Variants in C12orf42 observed in about 807,000 individuals in gnomAD.
The protein encoded by C12orf42 is uncharacterized protein C12orf42.
Under a neutral mutation model 21.6 loss-of-function variants are expected in C12orf42, and 25 were observed. The ratio of observed to expected loss-of-function variants is 1.16; its 90% CI spans 0.84 to 1.62. C12orf42 has a LOEUF of 1.62. C12orf42 is among the 40% of genes most tolerant of loss of function. C12orf42 has a pLI of 0.00. For synonymous variants in C12orf42, 174 were observed against 175.0 expected, an observed-to-expected ratio of 0.99 and a Z score of 0.05; for missense variants, 483 against 459.3, an observed-to-expected ratio of 1.05 and a Z score of -0.47.
intron 5 of C12orf42, among the ~76,000 whole-genome samples, chr12:103,275,075 A>G (rs773621438): frequency 3.3e-5 from 5 of 152,182 alleles, no homozygotes; most frequent in Non-Finnish European, 7.3e-5. Context: ...CATTGCCTAA[A>G]TTCAGTTGAA....
intron 3 of C12orf42, among the ~76,000 whole-genome samples, chr12:103,377,335 C>A (rs184159640): frequency 6.6e-6 from 1 of 152,044 alleles, no homozygotes; most frequent in African/African-American, 2.4e-5. Flanking sequence ...AGGCTGACTG[C>A]AGCTCTGGAT....
chr12:103,135,028 G>A, the C12orf42 span, among the ~76,000 whole-genome samples: 1 of 152,168 alleles, frequency 6.6e-6, no homozygotes, highest in South Asian at 2.1e-4. Flanking sequence ...GGTGCTATAT[G>A]CAGCAAAATT....
chr12:103,235,980 G>GT (rs746055910), downstream of C12orf42, among the ~76,000 whole-genome samples: 3 of 152,140 alleles, frequency 2.0e-5, no homozygotes, highest in Admixed American at 6.5e-5. Context: ...TGGAAATAAG[G>GT]TAAGTCATGC....
chr12:103,420,568 T>C (rs2049796134), intron 2 of C12orf42, among the ~76,000 whole-genome samples: 3 of 152,116 alleles, frequency 2.0e-5, no homozygotes, highest in African/African-American at 7.2e-5. Context: ...CTTTTTTTTT[T>C]ACCCAGGCTG....
At chr12:103,080,738 T>A in the C12orf42 span, among the ~76,000 whole-genome samples, 2 of 152,236 alleles carry the variant, frequency 1.3e-5, no homozygotes, top group African/African-American at 4.8e-5. Flanking sequence ...TATCTCCATG[T>A]TTCTAATGAC....
At chr12:103,277,604 ATTTTCT>A (rs575550676) in intron 4 of C12orf42, among the ~76,000 whole-genome samples, 200 of 151,124 alleles carry the variant, frequency 1.3e-3, no homozygotes, top group Middle Eastern at 3.4e-3. Context: ...GATGGGCACA[ATTTTCT>A]TTTTCTTTTT....
At chr12:103,508,984 T>A in the C12orf42 span, among the ~76,000 whole-genome samples, 4 of 152,204 alleles carry the variant, frequency 2.6e-5, no homozygotes, top group African/African-American at 9.7e-5. Flanking sequence ...CAAGAACTCT[T>A]TGAGGTAGCT....
chr12:103,389,222 G>T (rs899609616), intron 3 of C12orf42, among the ~76,000 whole-genome samples: 1 of 152,138 alleles, frequency 6.6e-6, no homozygotes, highest in South Asian at 2.1e-4. Flanking sequence ...GGGGGTGGGG[G>T]ATTTAAGCAT....
intron 3 of C12orf42, chr12:103,396,495 AG>A (rs2047547213): frequency 6.6e-6 from 1 of 152,228 alleles, no homozygotes; most frequent in South Asian, 2.1e-4. Flanking sequence ...ATTATAATCT[AG>A]TTTCTAACAT....
At chr12:103,471,723 A>T (rs1430380981) in intron 2 of C12orf42, among the ~76,000 whole-genome samples, 2 of 152,276 alleles carry the variant, frequency 1.3e-5, no homozygotes, top group Non-Finnish European at 2.9e-5. Context: ...AATGCATCTT[A>T]CATCATGGCC....
intron 2 of C12orf42, among the ~76,000 whole-genome samples, chr12:103,464,415 G>GTT (rs201619152): frequency 0.21 from 15,415 of 73,948 alleles, 853 homozygotes; most frequent in African/African-American, 0.25. Context: ...TTTTTAATGG[G>GTT]GTTTTTTTTT....
At chr12:103,527,110 C>T in the C12orf42 span, among the ~76,000 whole-genome samples, 1 of 151,846 alleles carries the variant, frequency 6.6e-6, no homozygotes, top group Non-Finnish European at 1.5e-5. Context: ...ATTTGGTATA[C>T]ATTGTAATTT....
At chr12:103,431,004 C>T (rs143767123) in intron 2 of C12orf42, among the ~76,000 whole-genome samples, 48 of 152,160 alleles carry the variant, frequency 3.2e-4, no homozygotes, top group Admixed American at 8.5e-4. Flanking sequence ...AGGAGAAATA[C>T]CTAATGTAGA....
At chr12:103,494,024 A>G (rs1955352417) in intron 1 of C12orf42, among the ~76,000 whole-genome samples, 1 of 152,204 alleles carries the variant, frequency 6.6e-6, no homozygotes, top group South Asian at 2.1e-4. Flanking sequence ...TATTTGAAAA[A>G]GTCATTATGA....
chr12:103,182,495 C>A, the C12orf42 span, among the ~76,000 whole-genome samples: 2 of 152,202 alleles, frequency 1.3e-5, no homozygotes, highest in African/African-American at 4.8e-5. Flanking sequence ...TCAGTTCTAC[C>A]CATGTGATAG....
intron 1 of C12orf42, among the ~76,000 whole-genome samples, chr12:103,487,083 TG>T (rs1358891115): frequency 6.6e-6 from 1 of 152,240 alleles, no homozygotes; most frequent in African/African-American, 2.4e-5. Flanking sequence ...GCTTTTCTTG[TG>T]GGCATTTAGT....
At chr12:103,534,668 G>C in the C12orf42 span, among the ~76,000 whole-genome samples, 1 of 152,140 alleles carries the variant, frequency 6.6e-6, no homozygotes, top group Non-Finnish European at 1.5e-5. Flanking sequence ...AAGCAATTAT[G>C]GTAACCGGTA....
the C12orf42 span, among the ~76,000 whole-genome samples, chr12:103,553,484 C>A: frequency 6.6e-6 from 1 of 152,164 alleles, no homozygotes; most frequent in Non-Finnish European, 1.5e-5. Flanking sequence ...TTTTCCCATC[C>A]TCCTCCTGAA....
the C12orf42 span, among the ~76,000 whole-genome samples, chr12:103,529,324 T>C: frequency 3.3e-5 from 5 of 152,242 alleles, no homozygotes; most frequent in Non-Finnish European, 7.3e-5. Context: ...AGCAAGGATA[T>C]AACTCAAAGG....
Sources: gnomAD v4.1 joint callset for allele counts (sites outside exome capture counted in the v4.1 genomes callset) on GRCh38, gnomAD v4.1.1 for gene constraint, MANE v1.5 for transcripts, NCBI Gene and HGNC (gene_info 2026-07-23, HGNC 2026-07-21) for gene names.